NXN: variants seen among roughly 807,000 people sequenced by gnomAD.
The protein encoded by NXN is nucleoredoxin 1.
Under a neutral mutation model 48.6 loss-of-function variants are expected in NXN, and 16 were observed. The ratio of observed to expected loss-of-function variants is 0.33; its 90% CI spans 0.22 to 0.50. The LOEUF (loss-of-function observed/expected upper bound fraction) is 0.50, where lower values mean the gene tolerates loss of function less well. NXN is among the 20% of genes least tolerant of loss of function. The pLI, the probability that NXN is intolerant of heterozygous loss-of-function variation, is 0.98. For synonymous variants in NXN, 281 were observed against 269.6 expected, an observed-to-expected ratio of 1.04 and a Z score of -0.41; for missense variants, 492 against 605.5, an observed-to-expected ratio of 0.81 and a Z score of 1.97.
At chr17:891,364 G>T (rs760914341) in intron 1 of NXN, among the ~76,000 whole-genome samples, 1 of 152,150 alleles carries the variant, frequency 6.6e-6, no homozygotes, top group East Asian at 1.9e-4. Flanking sequence ...CACTGCACCC[G>T]GCCTAAATCT....
chr17:963,816 G>A (rs1029722774), intron 1 of NXN, among the ~76,000 whole-genome samples: 3 of 152,164 alleles, frequency 2.0e-5, no homozygotes, highest in Non-Finnish European at 4.4e-5. Flanking sequence ...GGTGGCTCAC[G>A]CCTGTCATCC....
chr17:876,812 G>A (rs958998042), intron 1 of NXN, among the ~76,000 whole-genome samples: 8 of 152,034 alleles, frequency 5.3e-5, no homozygotes, highest in South Asian at 4.1e-4. Flanking sequence ...GGGAGGCTGC[G>A]GGGGCGGGGG....
chr17:933,357 C>T (rs12944539), intron 1 of NXN: 18,436 of 151,960 alleles, frequency 0.12, 1,397 homozygotes, highest in Middle Eastern at 0.24. Flanking sequence ...AGAAAGCACT[C>T]GAGACAGGAG....
intron 1 of NXN, among the ~76,000 whole-genome samples, chr17:850,793 AGTTTTCAAAGGCAGTTCAAT>A (rs933664462): frequency 8.5e-5 from 13 of 152,172 alleles, no homozygotes; most frequent in Non-Finnish European, 1.2e-4. Context: ...CCCCAACTTT[AGTTTTCAAAGGCAGTTCAAT>A]GAGGGGGCTG....
At chr17:850,700 G>A (rs956711410) in intron 1 of NXN, among the ~76,000 whole-genome samples, 2 of 152,214 alleles carry the variant, frequency 1.3e-5, no homozygotes, top group African/African-American at 4.8e-5. Flanking sequence ...CTGCAGACAA[G>A]ATGAATGGCC....
At chr17:826,917 G>C (rs1055657509) in intron 1 of NXN, among the ~76,000 whole-genome samples, 1 of 152,272 alleles carries the variant, frequency 6.6e-6, no homozygotes, top group African/African-American at 2.4e-5. Context: ...AAAGCCCAGG[G>C]CTGGAAGCCA....
chr17:950,074 C>T (rs1301441946), intron 1 of NXN, among the ~76,000 whole-genome samples: 1 of 152,098 alleles, frequency 6.6e-6, no homozygotes, highest in Non-Finnish European at 1.5e-5. Flanking sequence ...AAAAGAAGCC[C>T]CTTAACTCTG....
At chr17:968,371 G>C (rs952522836) in intron 1 of NXN, among the ~76,000 whole-genome samples, 6 of 152,224 alleles carry the variant, frequency 3.9e-5, no homozygotes, top group African/African-American at 4.8e-5. Flanking sequence ...CCGAGCACCT[G>C]ATTAGTCAAA....
chr17:857,824 G>A (rs1045475951), intron 1 of NXN, among the ~76,000 whole-genome samples: 1 of 152,084 alleles, frequency 6.6e-6, no homozygotes, highest in Non-Finnish European at 1.5e-5. Flanking sequence ...AAATAACACT[G>A]AATAGAAGAG....
At chr17:937,359 A>G (rs897802832) in intron 1 of NXN, among the ~76,000 whole-genome samples, 4 of 152,086 alleles carry the variant, frequency 2.6e-5, no homozygotes, top group Admixed American at 1.3e-4. Flanking sequence ...AAACGGAAGG[A>G]ATCAGCTTCC....
Position 835,294 on chromosome 17 carries a change from C to A in NXN, c.361-9216G>T, listed in dbSNP as rs183114675. On this transcript the variant is annotated intron_variant, in intron 1 of 7. Coordinates refer to ENST00000336868, the MANE Select transcript of NXN (RefSeq NM_022463.5). ...CTGCACTCCAGCCTGGAAGACAGAC[C>A]GAGACTCTGTTTCAAAAAAAAAAAA... Among the ~76,000 whole-genome samples the A allele has an allele frequency of 2.7e-5, 4 of 146,516 alleles. No individual in the cohort carries two copies. In the Admixed American group the frequency reaches 2.7e-4, roughly 10 times the overall value.
At chr17:947,883 C>CCAAA (rs756914927) in intron 1 of NXN, among the ~76,000 whole-genome samples, 1 of 119,256 alleles carries the variant, frequency 8.4e-6, no homozygotes, top group Non-Finnish European at 1.7e-5. Flanking sequence ...TACTGAAATA[C>CCAAA]AAAAAAAAAA....
rs919890951 is a variant in NXN, at chr17:844,306, C to T, written c.361-18228G>A. ...GTGGCGGCCAGGCCATCACACGTCCCGTCCTGCCCTCCTTAGCTGGAAGGT... is the reference window on the plus strand; with the variant it reads ...GTGGCGGCCAGGCCATCACACGTCCTGTCCTGCCCTCCTTAGCTGGAAGGT... On this transcript the variant is annotated intron_variant, in intron 1 of 7. Coordinates refer to ENST00000336868, the MANE Select transcript of NXN (RefSeq NM_022463.5). 7.6e-5 allele frequency among the ~76,000 whole-genome samples: 11 copies of T among 143,902 alleles called. No individual in the cohort carries two copies. In the East Asian group the frequency reaches 9.7e-4, roughly 13 times the overall value. The allele number at this position is 143,902 out of a possible 152,430, so 94.4% of individuals were successfully genotyped here.
chr17:842,666 A>G, intron 1 of NXN: 2 of 603,526 alleles, frequency 3.3e-6, no homozygotes, highest in Non-Finnish European at 4.2e-6. Context: ...GGCAGGGTGC[A>G]GTGGCTCATG....
At chr17:846,413 C>CAA (rs757262418) in intron 1 of NXN, among the ~76,000 whole-genome samples, 84 of 62,592 alleles carry the variant, frequency 1.3e-3, no homozygotes, top group East Asian at 5.1e-3. Flanking sequence ...GAAATTGTCT[C>CAA]AAAAAAAAAA....
Position 900,228 on chromosome 17 carries a change from T to C in NXN, c.361-74150A>G, listed in dbSNP as rs570835877. Among the ~76,000 whole-genome samples the C allele has an allele frequency of 9.2e-4, 140 of 152,024 alleles. 1 individual carries two copies. The highest frequency in any genetic ancestry group is 3.2e-3 in the African/African-American group (133 of 41,450). The stretch of plus-strand genomic sequence containing the variant: ...TTGTGGTGAGCCAAGATTGCGCCAT[T>C]GCACTCCAGCCTGGGCAACAAGACC... On this transcript the variant is annotated intron_variant, in intron 1 of 7. Coordinates refer to ENST00000336868, the MANE Select transcript of NXN (RefSeq NM_022463.5).
intron 1 of NXN, among the ~76,000 whole-genome samples, chr17:967,246 G>A (rs900733002): frequency 2.6e-5 from 4 of 152,162 alleles, no homozygotes; most frequent in African/African-American, 7.2e-5. Flanking sequence ...GGGATCAAGG[G>A]CGACCATGCC....
At chr17:940,855 G>A (rs2150605611) in intron 1 of NXN, among the ~76,000 whole-genome samples, 1 of 150,840 alleles carries the variant, frequency 6.6e-6, no homozygotes, top group East Asian at 1.9e-4. Flanking sequence ...CAGTGAACAA[G>A]ATTCCAGGGT....
chr17:833,573 A>G (rs1381451115), intron 1 of NXN, among the ~76,000 whole-genome samples: 1 of 152,170 alleles, frequency 6.6e-6, no homozygotes, highest in East Asian at 1.9e-4. Flanking sequence ...TTTTTGGGTC[A>G]CAGACAGTTT....
Sources: gnomAD v4.1 joint callset for allele counts (sites outside exome capture counted in the v4.1 genomes callset) on GRCh38, gnomAD v4.1.1 for gene constraint, MANE v1.5 for transcripts, NCBI Gene and HGNC (gene_info 2026-07-23, HGNC 2026-07-21) for gene names.